The following CNNM4 variants were observed in gnomAD, a reference collection of about 807,000 sequenced individuals.
CNNM4 encodes the protein metal transporter CNNM4.
In CNNM4, 32 loss-of-function variants were observed where a neutral mutation model predicts 53.7. The observed-to-expected ratio is 0.60, with a 90% CI of 0.45 to 0.80. The LOEUF (loss-of-function observed/expected upper bound fraction) is 0.80. Among genes scored for constraint, CNNM4 ranks in the 30% least tolerant of loss-of-function variants. The pLI, the probability that CNNM4 is intolerant of heterozygous loss-of-function variation, is 0.00. For missense variants in CNNM4, 784 were observed against 1,022.0 expected, an observed-to-expected ratio of 0.77 and a Z score of 3.17; for synonymous variants, 410 against 440.0, an observed-to-expected ratio of 0.93 and a Z score of 0.85.
intron 1 of CNNM4, among the ~76,000 whole-genome samples, chr2:96,791,584 G>A (rs1477015598): frequency 7.5e-5 from 11 of 147,058 alleles, no homozygotes; most frequent in African/African-American, 2.3e-4. Flanking sequence ...GAAAGACTCC[G>A]TCTCAAAAAA....
At chr2:96,781,201 G>A (rs2078972931) in intron 1 of CNNM4, among the ~76,000 whole-genome samples, 2 of 151,670 alleles carry the variant, frequency 1.3e-5, no homozygotes, top group South Asian at 4.2e-4. Flanking sequence ...AGATGGTCTC[G>A]CTCTCCTGAC....
chr2:96,801,656 C>CCACA lies in CNNM4; in HGVS notation c.1948+2023_1948+2026dup, dbSNP rs141454994. Among the ~76,000 whole-genome samples, 19 of 142,042 alleles carry CCACA rather than the reference C, an allele frequency of 1.3e-4. 2 individuals carry two copies. Among genetic ancestry groups the CCACA allele is most frequent in the Admixed American group, 2.8e-4 (4 of 14,396 alleles). 93.2% of individuals were successfully genotyped at this position (142,042 alleles called of 152,430 possible). ...GAGAGACCACACACATGCAGAGAGACCACACACACACACACACAGAGACCA... is the reference window on the plus strand; with the variant it reads ...GAGAGACCACACACATGCAGAGAGACCACACACACACACACACACACAGAGACCA... On this transcript the variant is annotated intron_variant, in intron 5 of 6. Transcript: ENST00000377075. The surrounding 1 kb of genome is among the most constrained non-coding windows in gnomAD (Gnocchi z 5.6).
At chr2:96,775,579 C>T (rs1177828511) in intron 1 of CNNM4, among the ~76,000 whole-genome samples, 1 of 152,174 alleles carries the variant, frequency 6.6e-6, no homozygotes, top group African/African-American at 2.4e-5. Flanking sequence ...ATTGCTAAGG[C>T]ACAGGGATGG....
chr2:96,790,689 A>G (rs566402234), intron 1 of CNNM4, among the ~76,000 whole-genome samples: 67 of 149,296 alleles, frequency 4.5e-4, no homozygotes, highest in Non-Finnish European at 9.3e-4. Context: ...TTATGAGATT[A>G]ATACTATTGG....
chr2:96,805,432 T>TA (rs1190863100), intron 5 of CNNM4, among the ~76,000 whole-genome samples: 25 of 140,512 alleles, frequency 1.8e-4, no homozygotes, highest in African/African-American at 7.5e-4. Context: ...TTTTTTTTTT[T>TA]TTTTTTTATT....
chr2:96,778,556 C>CA (rs757948178), intron 1 of CNNM4, among the ~76,000 whole-genome samples: 1,887 of 90,848 alleles, frequency 0.021, 15 homozygotes, highest in Admixed American at 0.024. Flanking sequence ...GACTCTGTCT[C>CA]AAAAAAAAAA....
chr2:96,795,498 C>T (rs896734875), intron 1 of CNNM4, among the ~76,000 whole-genome samples: 2 of 150,094 alleles, frequency 1.3e-5, no homozygotes, highest in African/African-American at 2.5e-5. Context: ...CCCCCCCCCC[C>T]ATCACATGGG....
Position 96,761,470 on chromosome 2 carries a change from C to G in CNNM4, c.471C>G (p.Asp157Glu). The G allele has an allele frequency of 6.2e-7, 1 of 1,614,120 alleles. No individual in the cohort carries two copies. Among genetic ancestry groups the G allele is most frequent in the South Asian group, 1.1e-5 (1 of 91,080 alleles). ...LYALCTRAQPDGPWLKWTDKD... is the reference protein window; with the variant it reads ...LYALCTRAQPEGPWLKWTDKD... ...CACTGTGCACCCGGGCCCAGCCCGA[C>G]GGGCCCTGGCTGAAGTGGACGGACA... The change falls in exon 1 of 7, where the codon GAC becomes GAG. Residue 157 changes from aspartate (D) to glutamate (E), a missense_variant. By Grantham distance (45) the Asp-to-Glu change is conservative. Coordinates refer to ENST00000377075, the MANE Select transcript of CNNM4 (RefSeq NM_020184.4). This position sits in a 1 kb window ranked among gnomAD's most constrained non-coding sequence, Gnocchi z 6.0.
At chr2:96,765,950 T>C (rs1273526353) in intron 1 of CNNM4, among the ~76,000 whole-genome samples, 1 of 149,860 alleles carries the variant, frequency 6.7e-6, no homozygotes, top group Non-Finnish European at 1.5e-5. Flanking sequence ...CGCCCGGCTA[T>C]TTTTTGTATT....
chr2:96,785,604 G>A (rs2079010022), intron 1 of CNNM4, among the ~76,000 whole-genome samples: 3 of 152,032 alleles, frequency 2.0e-5, no homozygotes. Context: ...CTGCACTCCA[G>A]CCTGGGCCAC....
intron 4 of CNNM4, 82 bp downstream of exon 4, chr2:96,799,308 G>T: frequency 6.4e-7 from 1 of 1,554,308 alleles, no homozygotes; most frequent in Non-Finnish European, 8.9e-7. Context: ...CACCTGCTGC[G>T]GAGGTGCATG....
Position 96,761,674 on chromosome 2 carries a change from G to C in CNNM4, c.675G>C (p.Glu225Asp). The C allele has an allele frequency of 6.2e-7, 1 of 1,610,926 alleles. No homozygotes were observed. The highest frequency in any genetic ancestry group is 8.5e-7 in the Non-Finnish European group (1 of 1,180,004). The change falls in exon 1 of 7, where the codon GAG (glutamate) becomes GAC (aspartate). Residue 225 changes from glutamate (E) to aspartate (D), a missense_variant. Glu to Asp is a conservative substitution (Grantham distance 45, BLOSUM62 2). Around this residue, in one of 3 missense-constraint regions of CNNM4, gnomAD observed 473 missense variants for 624.6 expected, o/e 0.76. Coordinates refer to ENST00000377075, the MANE Select transcript of CNNM4 (RefSeq NM_020184.4). This position sits in a 1 kb window ranked among gnomAD's most constrained non-coding sequence, Gnocchi z 6.0. ...RIVQNCGTEK[E>D]RRYARKIEPI... The stretch of plus-strand genomic sequence containing the variant: ...TGCAGAACTGTGGCACCGAGAAGGA[G>C]AGGCGCTATGCCCGCAAGATTGAGC...
chr2:96,761,833 C>G lies in CNNM4; in HGVS notation c.834C>G (p.Gly278=), dbSNP rs759468747. The change falls in exon 1 of 7, where the codon GGC becomes GGG. Residue 278 remains glycine, a synonymous_variant. Transcript: ENST00000377075. The surrounding 1 kb of genome is among the most constrained non-coding windows in gnomAD (Gnocchi z 6.0). ...GLMAVASSTI[G]IVIFGEILPQ... is the part of the protein sequence containing the mutation. ...TGGCGGTGGCCTCCTCCACCATTGGCATTGTCATCTTTGGGGAGATCCTAC... is the reference window on the plus strand; with the variant it reads ...TGGCGGTGGCCTCCTCCACCATTGGGATTGTCATCTTTGGGGAGATCCTAC... 1.2e-6 allele frequency: 2 copies of G among 1,614,146 alleles called. No homozygotes were observed. Among genetic ancestry groups the G allele is most frequent in the Admixed American group, 3.3e-5 (2 of 60,028 alleles).
intron 1 of CNNM4, among the ~76,000 whole-genome samples, chr2:96,768,157 C>T (rs1338113656): frequency 2.6e-5 from 4 of 152,172 alleles, no homozygotes; most frequent in Non-Finnish European, 5.9e-5. Context: ...ATTTTATTCC[C>T]GCAACAACTT....
rs535970134 is a variant in CNNM4, at chr2:96,801,527, A to G, written c.1948+1879A>G. 1.4e-3 allele frequency among the ~76,000 whole-genome samples: 211 copies of G among 150,514 alleles called. 3 individuals carry two copies. The highest frequency in any genetic ancestry group is 0.011 in the East Asian group (58 of 5,106). On this transcript the variant is annotated intron_variant, in intron 5 of 6. Transcript: ENST00000377075. The surrounding 1 kb of genome is among the most constrained non-coding windows in gnomAD (Gnocchi z 5.6). Reference sequence around the variant, plus strand: ...ACAGAGAGAGACCACACACAGAGATAGCACACACACAGAGAGACCACACAC... The same window carrying G: ...ACAGAGAGAGACCACACACAGAGATGGCACACACACAGAGAGACCACACAC...
chr2:96,766,437 C>A (rs1274950592), intron 1 of CNNM4, among the ~76,000 whole-genome samples: 1 of 152,086 alleles, frequency 6.6e-6, no homozygotes, highest in Non-Finnish European at 1.5e-5. Flanking sequence ...CTGGTTGTTT[C>A]CTTGGGCTGG....
At chr2:96,770,003 G>T (rs763243093) in intron 1 of CNNM4, among the ~76,000 whole-genome samples, 2 of 152,194 alleles carry the variant, frequency 1.3e-5, no homozygotes, top group African/African-American at 4.8e-5. Context: ...GCAGTGCTGT[G>T]GGAAGGGAAC....
chr2:96,783,068 T>G (rs2078988198), intron 1 of CNNM4, among the ~76,000 whole-genome samples: 1 of 151,972 alleles, frequency 6.6e-6, no homozygotes, highest in Non-Finnish European at 1.5e-5. Context: ...AAAAAAAAAT[T>G]AATGGTCTCA....
chr2:96,766,106 T>TC (rs2078817064), intron 1 of CNNM4, among the ~76,000 whole-genome samples: 1 of 140,358 alleles, frequency 7.1e-6, no homozygotes, highest in Non-Finnish European at 1.5e-5. Flanking sequence ...TTTTCTTTTT[T>TC]TTTTTTTTGA....
Sources: gnomAD v4.1 joint callset for allele counts (sites outside exome capture counted in the v4.1 genomes callset) on GRCh38, gnomAD v4.1.1 for gene constraint, gnomAD v4.1.1 regional missense constraint, Gnocchi (gnomAD v3.1) non-coding constraint, MANE v1.5 for transcripts, NCBI Gene and HGNC (gene_info 2026-07-23, HGNC 2026-07-21) for gene names.